LIN52: variants seen among roughly 807,000 people sequenced by gnomAD.
LIN52 encodes lin-52 DREAM MuvB core complex component.
LIN52 carries 4 observed loss-of-function variants against 18.5 expected under a neutral mutation model. The ratio of observed to expected loss-of-function variants is 0.22; its 90% CI spans 0.11 to 0.49. The LOEUF is 0.49. LIN52 is among the 20% of genes least tolerant of loss of function. LIN52 has a pLI of 0.97. For synonymous variants in LIN52, 34 were observed against 45.5 expected (o/e 0.75, Z 1.02); for missense variants, 102 against 139.5 (o/e 0.73, Z 1.35).
In LIN52 at chr14:74,097,752, A is replaced by C. The variant is rs760322951; in HGVS notation, c.133-42A>C. On this transcript the variant is annotated intron_variant, in intron 3 of 5. Coordinates refer to ENST00000555028, the MANE Select transcript of LIN52 (RefSeq NM_001024674.3). Reference sequence around the variant, plus strand: ...CTTATAAGAATAATAGGGTCTCCTCACACTTTTTATGTGTCTGAATGGATA... The same window carrying C: ...CTTATAAGAATAATAGGGTCTCCTCCCACTTTTTATGTGTCTGAATGGATA... 2.8e-6 allele frequency: 4 copies of C among 1,429,414 alleles called. No individual in the cohort carries two copies. The South Asian group carries it at 4.6e-5, about 17-fold the overall frequency. 88.5% of individuals were successfully genotyped at this position (1,429,414 alleles called of 1,614,324 possible).
chr14:74,097,753 C>G (rs1271184295), intron 3 of LIN52, 41 bp from the exon 4 acceptor site: 1 of 1,437,008 alleles, frequency 7.0e-7, no homozygotes, highest in Admixed American at 1.7e-5. Flanking sequence ...GGTCTCCTCA[C>G]ACTTTTTATG....
At position 74,088,239 on chromosome 14, in the gene LIN52, C is replaced by T. The variant is rs911157020; in HGVS notation, c.20-2993C>T. Among the ~76,000 whole-genome samples, 14 of 152,250 alleles carry T rather than the reference C, an allele frequency of 9.2e-5. No individual in the cohort carries two copies. In the East Asian group the frequency reaches 9.6e-4, roughly 10 times the overall value. On this transcript the variant is annotated intron_variant, in intron 1 of 5. Transcript: ENST00000555028. ...TCCAGTAGCTGGGATAACAGGCACA[C>T]GCCACCACACCTGGCTAATTTTTGT...
At chr14:74,165,513 C>CTTTTTTTTTTTTTTTTTTTTTTTTTT (rs71460962) in intron 5 of LIN52, among the ~76,000 whole-genome samples, 1 of 110,262 alleles carries the variant, frequency 9.1e-6, no homozygotes, top group Non-Finnish European at 1.8e-5. Flanking sequence ...GTTTTCTTTT[C>CTTTTTTTTTTTTTTTTTTTTTTTTTT]TTTTTTTTTT....
intron 5 of LIN52, among the ~76,000 whole-genome samples, chr14:74,116,590 C>A (rs1253822253): frequency 6.6e-6 from 1 of 151,772 alleles, no homozygotes; most frequent in Non-Finnish European, 1.5e-5. Flanking sequence ...CCTGTAATCC[C>A]AGCTACTCTG....
intron 5 of LIN52, among the ~76,000 whole-genome samples, chr14:74,118,034 A>G (rs2060975314): frequency 6.6e-6 from 1 of 152,214 alleles, no homozygotes; most frequent in South Asian, 2.1e-4. Context: ...GAATGGTTGG[A>G]TAACGGTAAA....
At chr14:74,187,279 T>TA (rs2139591692) in intron 5 of LIN52, among the ~76,000 whole-genome samples, 2 of 152,296 alleles carry the variant, frequency 1.3e-5, no homozygotes, top group Admixed American at 1.3e-4. Flanking sequence ...CCAGATAAGA[T>TA]AAAAACCTTT....
intron 5 of LIN52, among the ~76,000 whole-genome samples, chr14:74,126,205 TAAAG>T (rs2061029221): frequency 6.6e-6 from 1 of 152,110 alleles, no homozygotes; most frequent in African/African-American, 2.4e-5. Flanking sequence ...TGGCTATAAT[TAAAG>T]AAACCCCAAA....
chr14:74,133,025 A>AG (rs1732030255), intron 5 of LIN52, among the ~76,000 whole-genome samples: 1 of 152,050 alleles, frequency 6.6e-6, no homozygotes, highest in Admixed American at 6.5e-5. Flanking sequence ...AAAAAAAAAA[A>AG]CAACCCATTT....
rs1566865801 is a variant in LIN52 at position 74,168,461 on chromosome 14, G to A, written c.284-30461G>A. Among the ~76,000 whole-genome samples the A allele has an allele frequency of 5.3e-5, 8 of 152,254 alleles. No homozygotes were observed. The South Asian group carries it at 1.7e-3, about 32-fold the overall frequency. On this transcript the variant is annotated intron_variant, in intron 5 of 5. Transcript: ENST00000555028. ...AGGCAGGTGGATCACGAGGTCAGGA[G>A]ATCGAGACCATCCTGGCTAACATGG...
At chr14:74,172,238 T>A (rs182450033) in intron 5 of LIN52, among the ~76,000 whole-genome samples, 6 of 152,314 alleles carry the variant, frequency 3.9e-5, no homozygotes, top group African/African-American at 1.4e-4. Context: ...GAACTCCTTT[T>A]ACATCAGGAA....
At chr14:74,172,104 A>T (rs896078036) in intron 5 of LIN52, among the ~76,000 whole-genome samples, 11 of 152,216 alleles carry the variant, frequency 7.2e-5, no homozygotes, top group Non-Finnish European at 1.3e-4. Context: ...TGTTTGAAAC[A>T]TTGAATGCTG....
intron 5 of LIN52, among the ~76,000 whole-genome samples, chr14:74,193,325 G>A (rs903886777): frequency 1.1e-4 from 17 of 151,930 alleles, no homozygotes; most frequent in Admixed American, 1.0e-3. Flanking sequence ...GAGGCAGGAG[G>A]ATCACTTGAG....
intron 5 of LIN52, among the ~76,000 whole-genome samples, chr14:74,123,683 A>G (rs2061011858): frequency 1.3e-5 from 2 of 152,158 alleles, no homozygotes; most frequent in African/African-American, 4.8e-5. Context: ...CCCTGCTACT[A>G]GTGTGCCCTT....
intron 5 of LIN52, among the ~76,000 whole-genome samples, chr14:74,189,554 A>G (rs1453972819): frequency 6.6e-6 from 1 of 152,226 alleles, no homozygotes. Context: ...TGTTTCTAGT[A>G]GGAAGAAGGA....
At chr14:74,133,833 G>A (rs946050463) in intron 5 of LIN52, among the ~76,000 whole-genome samples, 1 of 152,140 alleles carries the variant, frequency 6.6e-6, no homozygotes, top group African/African-American at 2.4e-5. Flanking sequence ...ATTGCTTGTT[G>A]CAATTTGGCC....
At chr14:74,124,947 G>A (rs1224930521) in intron 5 of LIN52, among the ~76,000 whole-genome samples, 1 of 151,630 alleles carries the variant, frequency 6.6e-6, no homozygotes, top group Non-Finnish European at 1.5e-5. Context: ...AAACTTTTGT[G>A]TGTCCAAGGG....
chr14:74,121,003 GA>G (rs2060996709), intron 5 of LIN52, among the ~76,000 whole-genome samples: 1 of 152,140 alleles, frequency 6.6e-6, no homozygotes, highest in African/African-American at 2.4e-5. Flanking sequence ...TTTGAGCCCA[GA>G]AGTTTGAGTC....
chr14:74,101,615 C>T (rs1303654703), intron 5 of LIN52, among the ~76,000 whole-genome samples: 4 of 151,938 alleles, frequency 2.6e-5, no homozygotes, highest in African/African-American at 7.3e-5. Context: ...CCCGCCACTA[C>T]GCCCGGCTGA....
chr14:74,153,548 A>ATT (rs34668824), intron 5 of LIN52, among the ~76,000 whole-genome samples: 6 of 145,344 alleles, frequency 4.1e-5, no homozygotes, highest in African/African-American at 1.3e-4. Flanking sequence ...ATGGAAAATG[A>ATT]TTTTTTTTTT....
Sources: gnomAD v4.1 joint callset for allele counts (sites outside exome capture counted in the v4.1 genomes callset) on GRCh38, gnomAD v4.1.1 for gene constraint, MANE v1.5 for transcripts, NCBI Gene and HGNC (gene_info 2026-07-23, HGNC 2026-07-21) for gene names.